C6orf62: variants seen among roughly 807,000 people sequenced by gnomAD.
C6orf62 encodes chromosome 6 open reading frame 62.
In C6orf62, 16 loss-of-function variants were observed where a neutral mutation model predicts 26.8. That is an observed-to-expected ratio of 0.60 (90% confidence interval 0.40 to 0.91). C6orf62 has a LOEUF of 0.91. C6orf62 is among the 40% of genes least tolerant of loss of function. The pLI, the probability that C6orf62 is intolerant of heterozygous loss-of-function variation, is 0.00. For synonymous variants in C6orf62, 112 were observed against 91.5 expected, an observed-to-expected ratio of 1.22 and a Z score of -1.28; for missense variants, 192 against 271.4, an observed-to-expected ratio of 0.71 and a Z score of 2.06.
At chr6:24,716,115 C>CT (rs769378892) in intron 2 of C6orf62, 33 bp downstream of exon 2, 1 of 1,592,086 alleles carries the variant, frequency 6.3e-7, no homozygotes, top group African/African-American at 1.3e-5. Flanking sequence ...TCCACAGAAA[C>CT]TTTATCAAGT....
At chr6:24,710,186 G>A (rs946109637) in intron 3 of C6orf62, 1 of 985,004 alleles carries the variant, frequency 1.0e-6, no homozygotes, top group Non-Finnish European at 1.2e-6. Flanking sequence ...CTGCTGAAGA[G>A]GACAAGTACA....
chr6:24,710,214 A>T, intron 3 of C6orf62: 1 of 985,320 alleles, frequency 1.0e-6, no homozygotes, highest in Non-Finnish European at 1.2e-6. Context: ...ATAAAACCCA[A>T]CTTGCTTCAA....
intron 3 of C6orf62, chr6:24,710,714 G>A (rs1019683769): frequency 3.9e-6 from 3 of 775,950 alleles, no homozygotes; most frequent in Non-Finnish European, 4.7e-6. Flanking sequence ...TCTGATAAAC[G>A]CTGACTGGGC....
upstream of C6orf62, chr6:24,720,345 A>G: frequency 8.0e-7 from 1 of 1,247,796 alleles, no homozygotes; most frequent in Non-Finnish European, 1.0e-6. Flanking sequence ...AGAGAAAACC[A>G]CCAGCCAACT....
Position 24,709,013 on chromosome 6 carries a change from C to T in C6orf62, c.430-102G>A, listed in dbSNP as rs879741414. 3.0e-5 allele frequency: 46 copies of T among 1,518,058 alleles called. No homozygotes were observed. In the Admixed American group the frequency reaches 3.9e-4, roughly 13 times the overall value. The allele number at this position is 1,518,058 out of a possible 1,614,324, so 94.0% of individuals were successfully genotyped here. A position where few individuals can be genotyped will look rare whatever the true frequency, so the allele number is the denominator to read the frequency against. On this transcript the variant is annotated intron_variant, in intron 3 of 4. Transcript: ENST00000378119. ...CTGTCCAATAAAGCAGCCAACAGTC[C>T]GTTATCTTTTCCTCTTTAAAAAAAC...
chr6:24,718,931 G>C lies in C6orf62; in HGVS notation c.-263C>G, dbSNP rs981805066. On this transcript the variant is annotated 5_prime_UTR_variant, in exon 1 of 5. Coordinates refer to ENST00000378119, the MANE Select transcript of C6orf62 (RefSeq NM_030939.5). ...GGTCAGACGGGAAAAAGGGAGGAAA[G>C]AAAGGAAAGAAAGAGGAGAAAATAA... 5 of 1,246,942 alleles carry C rather than the reference G, an allele frequency of 4.0e-6. No individual in the cohort carries two copies. Among genetic ancestry groups the C allele is most frequent in the Admixed American group, 4.2e-5 (1 of 23,820 alleles). 77.2% of individuals were successfully genotyped at this position (1,246,942 alleles called of 1,614,324 possible). A position where few individuals can be genotyped will look rare whatever the true frequency, so the allele number is the denominator to read the frequency against.
intron 1 of C6orf62, among the ~76,000 whole-genome samples, chr6:24,716,549 G>A (rs1779234414): frequency 6.6e-6 from 1 of 152,084 alleles, no homozygotes; most frequent in African/African-American, 2.4e-5. Flanking sequence ...TAATGCTTGA[G>A]TTTTATAGCA....
chr6:24,718,758 C>A lies in C6orf62; in HGVS notation c.-90G>T. 1 of 1,576,270 alleles carries A rather than the reference C, an allele frequency of 6.3e-7. No homozygotes were observed. The highest frequency in any genetic ancestry group is 1.2e-5 in the South Asian group (1 of 84,126). ...AGACTCAAGTACAACAGAAACAAGT[C>A]ATTTTTTTTCCTGCTAATATGATTG... On this transcript the variant is annotated 5_prime_UTR_variant, in exon 1 of 5. It removes an upstream start codon present in the reference 5' UTR. Transcript: ENST00000378119.
intron 1 of C6orf62, among the ~76,000 whole-genome samples, chr6:24,717,639 A>AT: frequency 1.3e-5 from 2 of 152,200 alleles, no homozygotes; most frequent in Non-Finnish European, 2.9e-5. Flanking sequence ...CAACAAAAAT[A>AT]ATAAGAGTTA....
At chr6:24,720,149 G>A, upstream of C6orf62, 1 of 1,372,412 alleles carries the variant, frequency 7.3e-7, no homozygotes, top group African/African-American at 1.5e-5. Context: ...GTGGAATTGA[G>A]GCAGCTAGGG....
chr6:24,710,006 A>G (rs1357335250), intron 3 of C6orf62: 3 of 984,622 alleles, frequency 3.0e-6, no homozygotes, highest in African/African-American at 1.7e-5. Context: ...AAACCGTAAC[A>G]TAAAATATGA....
chr6:24,720,276 CGGCGGAAGAGGCGGCGGCGGCGGG>C, upstream of C6orf62: 2 of 1,288,764 alleles, frequency 1.6e-6, no homozygotes, highest in Non-Finnish European at 2.0e-6. Flanking sequence ...GCGGTGGCGG[CGGCGGAAGAGGCGGCGGCGGCGGG>C]GGCGCTGCTG....
upstream of C6orf62, chr6:24,719,654 A>G (rs989863074): frequency 1.4e-6 from 2 of 1,446,386 alleles, no homozygotes; most frequent in Non-Finnish European, 1.8e-6. Flanking sequence ...CCAGCCTGCA[A>G]CTAGTCCTAC....
intron 3 of C6orf62, among the ~76,000 whole-genome samples, chr6:24,711,257 A>ACACACACACACAC (rs1554192457): frequency 0.01 from 1,516 of 151,040 alleles, 24 homozygotes; most frequent in African/African-American, 0.032. Flanking sequence ...CACACACACA[A>ACACACACACACAC]ACACACACAC....
upstream of C6orf62, chr6:24,720,520 G>C: frequency 2.4e-6 from 1 of 416,700 alleles, no homozygotes. Flanking sequence ...AGAAAAAGAG[G>C]AAAAACAAAG....
At position 24,718,763 on chromosome 6, in the gene C6orf62, T is replaced by C. The variant is rs1779290448; in HGVS notation, c.-95A>G. The stretch of plus-strand genomic sequence containing the variant: ...CAAGTACAACAGAAACAAGTCATTT[T>C]TTTTCCTGCTAATATGATTGATTAG... On this transcript the variant is annotated 5_prime_UTR_variant, in exon 1 of 5. Coordinates refer to ENST00000378119, the MANE Select transcript of C6orf62 (RefSeq NM_030939.5). 1.9e-6 allele frequency: 3 copies of C among 1,576,838 alleles called. No homozygotes were observed. Among genetic ancestry groups the C allele is most frequent in the South Asian group, 2.4e-5 (2 of 84,122 alleles).
chr6:24,716,007 T>G, intron 2 of C6orf62, 141 bp downstream of exon 2: 1 of 663,106 alleles, frequency 1.5e-6, no homozygotes, highest in East Asian at 2.5e-5. Context: ...ATCCCAGTTA[T>G]CAACATGGCA....
intron 2 of C6orf62, among the ~76,000 whole-genome samples, chr6:24,714,670 C>G (rs1392619311): frequency 6.6e-6 from 1 of 152,122 alleles, no homozygotes; most frequent in African/African-American, 2.4e-5. Context: ...CACTGGAGTG[C>G]AATGGTGCAA....
At chr6:24,707,742 G>A (rs894952097) in intron 4 of C6orf62, among the ~76,000 whole-genome samples, 2 of 151,968 alleles carry the variant, frequency 1.3e-5, no homozygotes, top group Non-Finnish European at 1.5e-5. Context: ...GGTGGCTCAC[G>A]CCTGTAATCC....
Sources: allele counts gnomAD v4.1 joint callset (sites outside exome capture counted in the v4.1 genomes callset), GRCh38; gene constraint gnomAD v4.1.1; transcripts MANE v1.5; gene names NCBI Gene and HGNC (gene_info 2026-07-23, HGNC 2026-07-21).